MEIS1: variants seen among roughly 807,000 people sequenced by gnomAD.
MEIS1 encodes the protein homeobox protein Meis1.
In MEIS1, 5 loss-of-function variants were observed where a neutral mutation model predicts 50.8. That is an observed-to-expected ratio of 0.10 (90% CI 0.05 to 0.21). The LOEUF (loss-of-function observed/expected upper bound fraction) is 0.21, where lower values mean the gene tolerates loss of function less well. Ranked by LOEUF, MEIS1 falls within the 10% of genes least tolerant of loss-of-function variation. The pLI is 1.00. For missense variants in MEIS1, 318 were observed against 517.3 expected (o/e 0.61, Z 3.74); for synonymous variants, 176 against 179.3 (o/e 0.98, Z 0.15).
chr2:66,440,764 G>A (rs1671954582), intron 4 of MEIS1, 152 bp downstream of exon 4: 5 of 593,812 alleles, frequency 8.4e-6, no homozygotes, highest in Admixed American at 6.2e-5. Context: ...ACGGACAACT[G>A]GTCCGGGACA....
chr2:66,469,967 A>G (rs1399174600), intron 7 of MEIS1, among the ~76,000 whole-genome samples: 1 of 152,002 alleles, frequency 6.6e-6, no homozygotes, highest in Non-Finnish European at 1.5e-5. Context: ...AACATATTTT[A>G]CAAACGAAAT....
intron 8 of MEIS1, among the ~76,000 whole-genome samples, chr2:66,526,552 G>C (rs1020410807): frequency 3.2e-4 from 48 of 152,192 alleles, no homozygotes; most frequent in African/African-American, 1.1e-3. Context: ...GCCCCTGCAT[G>C]CTTTCTATTC....
At position 66,572,794 on chromosome 2, in the gene MEIS1, C is replaced by T. The variant is rs1256841819; in HGVS notation, c.*1586C>T. ...CACTGCTTGAAAAATTTGTTTACTGCCCCCCAGATTTTTAAAGATTAATAC... is the reference window on the plus strand; with the variant it reads ...CACTGCTTGAAAAATTTGTTTACTGTCCCCCAGATTTTTAAAGATTAATAC... On this transcript the variant is annotated 3_prime_UTR_variant, in exon 13 of 13. Transcript: ENST00000272369. The T allele has an allele frequency of 6.6e-6, 1 of 152,040 alleles. No individual in the cohort carries two copies. Among genetic ancestry groups the T allele is most frequent in the Non-Finnish European group, 1.5e-5 (1 of 68,004 alleles). The allele number at this position is 152,040 out of a possible 1,614,324, so 9.4% of individuals were successfully genotyped here. A position where few individuals can be genotyped will look rare whatever the true frequency, so the allele number is the denominator to read the frequency against.
intron 8 of MEIS1, among the ~76,000 whole-genome samples, chr2:66,517,145 A>C (rs1673990074): frequency 6.6e-6 from 1 of 152,114 alleles, no homozygotes; most frequent in Non-Finnish European, 1.5e-5. Context: ...TCAACAACCT[A>C]TCCTGAAAGA....
chr2:66,562,506 C>T (rs1194914478), intron 9 of MEIS1, among the ~76,000 whole-genome samples: 1 of 151,982 alleles, frequency 6.6e-6, no homozygotes, highest in East Asian at 1.9e-4. Context: ...TTCCCATTCT[C>T]CTTGTCAGAT....
At chr2:66,507,197 A>C (rs1225768006) in intron 7 of MEIS1, among the ~76,000 whole-genome samples, 3 of 152,242 alleles carry the variant, frequency 2.0e-5, no homozygotes, top group Non-Finnish European at 2.9e-5. Context: ...TTTTAGGCAC[A>C]ATCGAATTTA....
At chr2:66,539,382 A>G (rs1248933715) in intron 8 of MEIS1, among the ~76,000 whole-genome samples, 1 of 152,196 alleles carries the variant, frequency 6.6e-6, no homozygotes, top group Non-Finnish European at 1.5e-5. Context: ...TTTTTCATAT[A>G]ACAAGTAATA....
chr2:66,539,505 C>T (rs1207857931), intron 8 of MEIS1, among the ~76,000 whole-genome samples: 1 of 152,118 alleles, frequency 6.6e-6, no homozygotes, highest in Non-Finnish European at 1.5e-5. Context: ...ATGTTACCAC[C>T]AAGTTTCAAA....
intron 8 of MEIS1, among the ~76,000 whole-genome samples, chr2:66,540,285 A>T (rs1446121050): frequency 6.6e-6 from 1 of 152,168 alleles, no homozygotes; most frequent in Admixed American, 6.5e-5. Flanking sequence ...TTTCTCCCTT[A>T]TCTACTCCCA....
chr2:66,543,417 A>G (rs571233286), intron 8 of MEIS1, among the ~76,000 whole-genome samples: 1 of 152,326 alleles, frequency 6.6e-6, no homozygotes, highest in East Asian at 1.9e-4. Flanking sequence ...TGAAATAAGG[A>G]TGATCATTTC....
chr2:66,515,126 CT>C (rs1212242706), intron 8 of MEIS1, among the ~76,000 whole-genome samples: 2 of 152,116 alleles, frequency 1.3e-5, no homozygotes, highest in African/African-American at 4.8e-5. Context: ...CTAGGAAATC[CT>C]TTCTGAATTC....
chr2:66,518,089 T>C (rs1460057765), intron 8 of MEIS1, among the ~76,000 whole-genome samples: 1 of 152,196 alleles, frequency 6.6e-6, no homozygotes, highest in East Asian at 1.9e-4. Context: ...TGGGCCTTTC[T>C]TCCCCACTTG....
chr2:66,483,370 G>A (rs776053745), intron 7 of MEIS1, among the ~76,000 whole-genome samples: 14 of 151,876 alleles, frequency 9.2e-5, no homozygotes, highest in African/African-American at 2.4e-4. Flanking sequence ...CACCGCGCCC[G>A]GCTGGACTGG....
At position 66,440,756 on chromosome 2, in the gene MEIS1, G is replaced by T. The variant is rs189549504; in HGVS notation, c.432+144G>T. ...GTTGGCTGCAAATGTTTCTGTACAC[G>T]GACAACTGGTCCGGGACAAGATCCC... is the stretch of plus-strand genomic sequence containing the variant. On this transcript the variant is annotated intron_variant, in intron 4 of 12. Coordinates refer to ENST00000272369, the MANE Select transcript of MEIS1 (RefSeq NM_002398.3). 1.2e-3 allele frequency: 732 copies of T among 610,568 alleles called. 4 individuals are homozygous for T. The highest frequency in any genetic ancestry group is 9.2e-3 in the East Asian group (323 of 34,956). 37.8% of individuals were successfully genotyped at this position (610,568 alleles called of 1,614,324 possible).
At chr2:66,565,187 G>C (rs1390192584) in intron 9 of MEIS1, among the ~76,000 whole-genome samples, 1 of 152,096 alleles carries the variant, frequency 6.6e-6, no homozygotes, top group Non-Finnish European at 1.5e-5. Flanking sequence ...ACTCAAACCT[G>C]AGTTGATTAT....
At chr2:66,512,352 T>C (rs1052382275) in intron 8 of MEIS1, 58 bp downstream of exon 8, 1 of 1,517,306 alleles carries the variant, frequency 6.6e-7, no homozygotes, top group African/African-American at 1.4e-5. Context: ...CCAGTTTTTA[T>C]ACAAAAAAAT....
chr2:66,460,123 A>G (rs1344469321), intron 6 of MEIS1, among the ~76,000 whole-genome samples: 1 of 152,166 alleles, frequency 6.6e-6, no homozygotes, highest in African/African-American at 2.4e-5. Context: ...AAGCCAAGAT[A>G]GTTTTTGAAG....
intron 8 of MEIS1, among the ~76,000 whole-genome samples, chr2:66,531,868 T>G (rs1351572041): frequency 6.6e-6 from 1 of 152,024 alleles, no homozygotes; most frequent in Non-Finnish European, 1.5e-5. Context: ...TCACTCGACA[T>G]CCTGTGTGTG....
At chr2:66,439,375 C>A in intron 2 of MEIS1, 1 of 1,256,184 alleles carries the variant, frequency 8.0e-7, no homozygotes, top group Non-Finnish European at 1.0e-6. Context: ...AGCTGAGCGC[C>A]TGCCACCGAG....
Sources: allele counts gnomAD v4.1 joint callset (sites outside exome capture counted in the v4.1 genomes callset), GRCh38; gene constraint gnomAD v4.1.1; transcripts MANE v1.5; gene names NCBI Gene and HGNC (gene_info 2026-07-23, HGNC 2026-07-21).